The following SYNPO2 variants were observed in gnomAD, a reference collection of about 807,000 sequenced individuals.
SYNPO2 encodes synaptopodin 2.
A neutral mutation model predicts 85.0 loss-of-function variants in SYNPO2; 56 were observed. That is an observed-to-expected ratio of 0.66 (90% CI 0.53 to 0.82). The LOEUF (loss-of-function observed/expected upper bound fraction) is 0.82, where lower values mean the gene tolerates loss of function less well. Among genes scored for constraint, SYNPO2 ranks in the 40% least tolerant of loss-of-function variants. SYNPO2 has a pLI of 0.00. For synonymous variants in SYNPO2, 602 were observed against 591.1 expected, an observed-to-expected ratio of 1.02 and a Z score of -0.27; for missense variants, 1,575 against 1,534.2, an observed-to-expected ratio of 1.03 and a Z score of -0.44.
intron 1 of SYNPO2, among the ~76,000 whole-genome samples, chr4:118,912,022 T>C (rs1733155335): frequency 6.6e-6 from 1 of 152,166 alleles, no homozygotes; most frequent in African/African-American, 2.4e-5. Context: ...AATCTTAGAA[T>C]TTGAAAGAGA....
chr4:118,969,282 G>T (rs994956063), intron 1 of SYNPO2, among the ~76,000 whole-genome samples: 2 of 152,194 alleles, frequency 1.3e-5, no homozygotes, highest in African/African-American at 4.8e-5. Flanking sequence ...TCCCAGAAAT[G>T]CTACATAGAA....
chr4:118,977,251 C>G (rs1310074689), intron 1 of SYNPO2, among the ~76,000 whole-genome samples: 2 of 152,242 alleles, frequency 1.3e-5, no homozygotes, highest in East Asian at 1.9e-4. Flanking sequence ...TGGGCCAGCA[C>G]TGCTGGGGGA....
intron 4 of SYNPO2, among the ~76,000 whole-genome samples, chr4:119,047,618 G>A (rs552587747): frequency 2.9e-4 from 44 of 152,300 alleles, no homozygotes; most frequent in African/African-American, 9.9e-4. Context: ...CTATTTTATT[G>A]AGACTAGAAC....
intron 1 of SYNPO2, among the ~76,000 whole-genome samples, chr4:118,893,533 G>A (rs1464756213): frequency 6.6e-6 from 1 of 152,176 alleles, no homozygotes; most frequent in African/African-American, 2.4e-5. Context: ...AAAAAATGAT[G>A]AGATTTGATT....
chr4:119,018,041 G>GA (rs1372742236), intron 1 of SYNPO2, among the ~76,000 whole-genome samples: 4 of 152,084 alleles, frequency 2.6e-5, no homozygotes, highest in Non-Finnish European at 5.9e-5. Context: ...TAGCATAGCC[G>GA]AAAGTCTTCT....
intron 1 of SYNPO2, among the ~76,000 whole-genome samples, chr4:119,008,892 T>C (rs1156874864): frequency 6.6e-6 from 1 of 152,068 alleles, no homozygotes; most frequent in Non-Finnish European, 1.5e-5. Context: ...GTGGAGATCG[T>C]TTTTTCTATA....
In SYNPO2 at chr4:118,888,974, C is replaced by T; in HGVS notation, c.-63C>T. 4.5e-6 allele frequency: 7 copies of T among 1,539,234 alleles called. No individual in the cohort carries two copies. In the South Asian group the frequency reaches 6.7e-5, roughly 15 times the overall value. On this transcript the variant is annotated 5_prime_UTR_variant, in exon 1 of 5. Coordinates refer to ENST00000307142, the MANE Select transcript of SYNPO2 (RefSeq NM_133477.3). The stretch of plus-strand genomic sequence containing the variant: ...GCGCCCGAAGCTGAGTGCGCATCCT[C>T]TACCGCACCCAAGCTTCGTCTGTCT...
At chr4:119,021,639 G>A (rs1230023539) in intron 1 of SYNPO2, among the ~76,000 whole-genome samples, 1 of 152,164 alleles carries the variant, frequency 6.6e-6, no homozygotes, top group Non-Finnish European at 1.5e-5. Context: ...CATGCTCAAA[G>A]AAGAATTCAA....
At chr4:118,983,521 G>GGCA (rs1736108879) in intron 1 of SYNPO2, among the ~76,000 whole-genome samples, 1 of 152,126 alleles carries the variant, frequency 6.6e-6, no homozygotes, top group Non-Finnish European at 1.5e-5. Context: ...CTATTACCAT[G>GGCA]ATGGCAGCAT....
chr4:118,888,876 TG>T lies in SYNPO2; in HGVS notation c.-157del. 1.4e-6 allele frequency: 1 copy of T among 715,242 alleles called. No individual in the cohort carries two copies. Among genetic ancestry groups the T allele is most frequent in the Non-Finnish European group, 2.4e-6 (1 of 420,632 alleles). The allele number at this position is 715,242 out of a possible 1,614,324, so 44.3% of individuals were successfully genotyped here. On this transcript the variant is annotated 5_prime_UTR_variant, in exon 1 of 5. Transcript: ENST00000307142. ...GCCGCACAAATTCGCAGCAGGCGGC[TG>T]GGGCGGCGGCTGGGGCAGCGGCTGC... is the stretch of plus-strand genomic sequence containing the variant.
intron 4 of SYNPO2, among the ~76,000 whole-genome samples, chr4:119,050,318 G>A (rs1738995457): frequency 6.6e-6 from 1 of 151,442 alleles, no homozygotes; most frequent in African/African-American, 2.4e-5. Context: ...GGTGACAAGA[G>A]CGAGATTCTG....
intron 4 of SYNPO2, chr4:119,034,514 G>C: frequency 5.1e-6 from 5 of 985,440 alleles, no homozygotes; most frequent in Non-Finnish European, 6.0e-6. Flanking sequence ...ACTATTTGGA[G>C]TTCTCCAAAA....
intron 1 of SYNPO2, among the ~76,000 whole-genome samples, chr4:118,919,408 G>GA (rs10709517): frequency 6.6e-6 from 1 of 151,834 alleles, no homozygotes; most frequent in Non-Finnish European, 1.5e-5. Flanking sequence ...GTAATTGACT[G>GA]AAAAAATAAA....
In SYNPO2 at chr4:119,057,996, G is replaced by T; in HGVS notation, c.*62G>T. ...TTTAAAAAAAACGCTCCTTTGTAGGGTTTTAAACTTTTCTAATAGATTTAG... is the reference window on the plus strand; with the variant it reads ...TTTAAAAAAAACGCTCCTTTGTAGGTTTTTAAACTTTTCTAATAGATTTAG... On this transcript the variant is annotated 3_prime_UTR_variant, in exon 5 of 5. Coordinates refer to ENST00000307142, the MANE Select transcript of SYNPO2 (RefSeq NM_133477.3). The T allele has an allele frequency of 1.3e-6, 2 of 1,514,188 alleles. No individual in the cohort carries two copies. The highest frequency in any genetic ancestry group is 4.5e-5 in the Admixed American group (2 of 44,364). The allele number at this position is 1,514,188 out of a possible 1,614,324, so 93.8% of individuals were successfully genotyped here.
chr4:119,060,675 A>G lies in SYNPO2; in HGVS notation c.*2741A>G, dbSNP rs1739383410. 6.6e-6 allele frequency: 1 copy of G among 152,194 alleles called. No individual in the cohort carries two copies. The highest frequency in any genetic ancestry group is 2.1e-4 in the South Asian group (1 of 4,830). The allele number at this position is 152,194 out of a possible 1,614,324, so 9.4% of individuals were successfully genotyped here. ...TATAAAGCATTTGTTTGTTAGTATCAATCACATAGGTAGAAAGAGTTTGAG... is the reference window on the plus strand; with the variant it reads ...TATAAAGCATTTGTTTGTTAGTATCGATCACATAGGTAGAAAGAGTTTGAG... On this transcript the variant is annotated 3_prime_UTR_variant, in exon 5 of 5. Transcript: ENST00000307142.
intron 4 of SYNPO2, chr4:119,036,738 A>G: frequency 1.0e-6 from 1 of 987,722 alleles, no homozygotes; most frequent in Non-Finnish European, 1.2e-6. Context: ...CAGTTTCTTA[A>G]TTTTTTTAAA....
chr4:119,012,140 C>T (rs1737332816), intron 1 of SYNPO2, among the ~76,000 whole-genome samples: 1 of 152,004 alleles, frequency 6.6e-6, no homozygotes, highest in Admixed American at 6.6e-5. Flanking sequence ...CCAGGCTGGT[C>T]TTGAACTCCT....
intron 1 of SYNPO2, among the ~76,000 whole-genome samples, chr4:118,938,501 T>C (rs1042050881): frequency 7.2e-5 from 11 of 152,212 alleles, no homozygotes; most frequent in Non-Finnish European, 1.2e-4. Flanking sequence ...TGTTTTAAGA[T>C]GCTTACATAT....
At position 119,031,440 on chromosome 4, in the gene SYNPO2, G is replaced by T. The variant is rs922190170; in HGVS notation, c.2665G>T (p.Asp889Tyr). The T allele has an allele frequency of 1.2e-6, 2 of 1,614,096 alleles. No homozygotes were observed. Among genetic ancestry groups the T allele is most frequent in the Admixed American group, 3.3e-5 (2 of 60,008 alleles). Residue 889 changes from aspartate (D) to tyrosine (Y), a missense_variant, in exon 4 of 5, where the codon GAT (aspartate) becomes TAT (tyrosine). Transcript: ENST00000307142. ...RQSRMEKYVV[D>Y]SDTVQAHAAR... ...GTCGAGAATGGAGAAGTATGTGGTC[G>T]ATTCAGACACGGTGCAGGCCCACGC...
Sources: allele counts gnomAD v4.1 joint callset (sites outside exome capture counted in the v4.1 genomes callset), GRCh38; gene constraint gnomAD v4.1.1; transcripts MANE v1.5; gene names NCBI Gene and HGNC (gene_info 2026-07-23, HGNC 2026-07-21).